ARFGEF3: variants seen among roughly 807,000 people sequenced by gnomAD.
The protein encoded by ARFGEF3 is brefeldin A-inhibited guanine nucleotide-exchange protein 3.
ARFGEF3 carries 96 observed loss-of-function variants against 221.7 expected under a neutral mutation model. That is an observed-to-expected ratio of 0.43 (90% CI 0.37 to 0.51). ARFGEF3 has a LOEUF of 0.51. ARFGEF3 is among the 20% of genes least tolerant of loss of function. The pLI is 0.00. For missense variants in ARFGEF3, 2,410 were observed against 2,789.9 expected (o/e 0.86, Z 3.07); for synonymous variants, 1,145 against 1,126.8 (o/e 1.02, Z -0.32).
intron 1 of ARFGEF3, among the ~76,000 whole-genome samples, chr6:138,163,679 G>C (rs1198595506): frequency 1.3e-5 from 2 of 152,166 alleles, no homozygotes; most frequent in African/African-American, 4.8e-5. Context: ...GCTGAGTTTA[G>C]GTCCTTTAAA....
intron 14 of ARFGEF3, among the ~76,000 whole-genome samples, chr6:138,281,034 C>T (rs377483720): frequency 1.3e-5 from 2 of 151,962 alleles, no homozygotes; most frequent in Non-Finnish European, 2.9e-5. Context: ...GGAATATGCC[C>T]GCCATAGTAA....
chr6:138,170,319 G>A (rs1776803679), intron 1 of ARFGEF3, among the ~76,000 whole-genome samples: 1 of 152,158 alleles, frequency 6.6e-6, no homozygotes, highest in South Asian at 2.1e-4. Context: ...TATTTTCAAG[G>A]AAACAGCTTT....
At chr6:138,305,200 C>T (rs184185860) in intron 22 of ARFGEF3, among the ~76,000 whole-genome samples, 7 of 152,004 alleles carry the variant, frequency 4.6e-5, no homozygotes, top group African/African-American at 9.7e-5. Flanking sequence ...GGAAGGAACA[C>T]CTCCAAACCC....
At chr6:138,201,345 T>C (rs1777532524) in intron 2 of ARFGEF3, among the ~76,000 whole-genome samples, 1 of 152,166 alleles carries the variant, frequency 6.6e-6, no homozygotes, top group East Asian at 1.9e-4. Context: ...AAAGAAGTCA[T>C]TATTCAGAAA....
chr6:138,273,133 C>T (rs1274742454), intron 12 of ARFGEF3, among the ~76,000 whole-genome samples: 1 of 151,776 alleles, frequency 6.6e-6, no homozygotes, highest in Non-Finnish European at 1.5e-5. Context: ...AGTGTGATCT[C>T]GCTTTGTGGT....
rs1294201528 is a variant in ARFGEF3, at chr6:138,334,768, C to T, written c.5922C>T (p.Gly1974=). The change falls in exon 33 of 34, where the codon GGC becomes GGT. Residue 1974 remains glycine, a synonymous_variant. Transcript: ENST00000251691. This position sits in a 1 kb window ranked among gnomAD's most constrained non-coding sequence, Gnocchi z 5.1. ...DDRSQSREHM[G]ESLSLKAGGG... ...GAAGCCAGTCCCGGGAGCACATGGG[C>T]GAGTCCCTGAGCCTGAAGGCCGGTG... The T allele has an allele frequency of 6.2e-6, 10 of 1,609,844 alleles. No homozygotes were observed. In the East Asian group the frequency reaches 6.7e-5, roughly 11 times the overall value.
intron 1 of ARFGEF3, among the ~76,000 whole-genome samples, chr6:138,169,117 G>A (rs1027963302): frequency 5.3e-5 from 8 of 152,202 alleles, no homozygotes; most frequent in African/African-American, 1.9e-4. Context: ...CAGAGGATAA[G>A]TGACCTGCCC....
At chr6:138,215,756 A>T (rs113834802) in intron 4 of ARFGEF3, among the ~76,000 whole-genome samples, 16 of 152,098 alleles carry the variant, frequency 1.1e-4, no homozygotes, top group African/African-American at 3.6e-4. Context: ...CGTGATAATG[A>T]TATTCCCTCA....
rs371181464 is a variant in ARFGEF3 at position 138,317,306 on chromosome 6, T to C, written c.4401T>C (p.Asn1467=). 1.2e-5 allele frequency: 20 copies of C among 1,613,890 alleles called. No homozygotes were observed. In the African/African-American group the frequency reaches 2.4e-4, roughly 19 times the overall value. ...LLEQLTAAVS[N]CPRQHQPPTL... is the part of the protein sequence containing the mutation. ...AGCAGCTGACAGCGGCTGTGTCCAA[T>C]TGTCCACGGCAGCACCAACCACCAA... The change falls in exon 27 of 34, where the codon AAT becomes AAC. Residue 1467 remains asparagine (N), a synonymous_variant. Coordinates refer to ENST00000251691, the MANE Select transcript of ARFGEF3 (RefSeq NM_020340.5).
At chr6:138,240,699 G>C (rs1778377812) in intron 6 of ARFGEF3, among the ~76,000 whole-genome samples, 1 of 152,178 alleles carries the variant, frequency 6.6e-6, no homozygotes, top group South Asian at 2.1e-4. Flanking sequence ...CTGGAGATGT[G>C]ATTCCATGTC....
intron 12 of ARFGEF3, among the ~76,000 whole-genome samples, chr6:138,265,064 G>C (rs370775572): frequency 1.9e-4 from 29 of 151,810 alleles, no homozygotes; most frequent in South Asian, 1.5e-3. Context: ...CCACCACACC[G>C]GGCTAATTTT....
intron 4 of ARFGEF3, chr6:138,215,932 G>GAA (rs397819236): frequency 2.1e-5 from 3 of 143,392 alleles, no homozygotes; most frequent in Non-Finnish European, 3.1e-5. Flanking sequence ...AAGGGAAAGA[G>GAA]TGTAATTTAC....
intron 4 of ARFGEF3, among the ~76,000 whole-genome samples, chr6:138,229,117 C>T (rs184154420): frequency 1.3e-5 from 2 of 152,250 alleles, no homozygotes; most frequent in East Asian, 1.9e-4. Context: ...AAGTAAACAC[C>T]ATGTAACATT....
intron 12 of ARFGEF3, among the ~76,000 whole-genome samples, chr6:138,278,114 C>T (rs1200269071): frequency 6.6e-6 from 1 of 152,082 alleles, no homozygotes; most frequent in Non-Finnish European, 1.5e-5. Flanking sequence ...TAGGGAGCCA[C>T]CGGAGGGCTC....
intron 9 of ARFGEF3, 93 bp from the exon 10 acceptor site, chr6:138,255,343 C>T: frequency 1.1e-6 from 1 of 905,926 alleles, no homozygotes; most frequent in Non-Finnish European, 1.7e-6. Context: ...AAGAGCCGCA[C>T]TCTTGTCATT....
At chr6:138,231,616 C>A (rs898753880) in intron 5 of ARFGEF3, among the ~76,000 whole-genome samples, 53 of 152,244 alleles carry the variant, frequency 3.5e-4, no homozygotes, top group Middle Eastern at 3.4e-3. Flanking sequence ...GCCATTGCCA[C>A]GTTTGAAATC....
At chr6:138,305,549 T>C (rs1207581583) in intron 22 of ARFGEF3, among the ~76,000 whole-genome samples, 1 of 147,616 alleles carries the variant, frequency 6.8e-6, no homozygotes. Context: ...AAGTTGAGAC[T>C]GCAGTGAGCC....
chr6:138,209,774 G>T (rs1044309725), intron 3 of ARFGEF3, 136 bp from the exon 4 acceptor site: 2 of 1,096,358 alleles, frequency 1.8e-6, no homozygotes, highest in South Asian at 3.2e-5. Context: ...GGCACATAGC[G>T]TAAGTTCTTT....
chr6:138,239,020 GT>G lies in ARFGEF3; in HGVS notation c.543+391del, dbSNP rs1202267494. ...TTTGAGGTTGGGTATGTTTCCCTTT[GT>G]TAACTAAAAGATGGTGGCAGGAGGC... On this transcript the variant is annotated intron_variant, in intron 6 of 33. Transcript: ENST00000251691. Among the ~76,000 whole-genome samples, 3 of 152,250 alleles carry G rather than the reference GT, an allele frequency of 2.0e-5. No individual in the cohort carries two copies. The East Asian group carries it at 5.8e-4, about 29-fold the overall frequency.
Sources: allele counts gnomAD v4.1 joint callset (sites outside exome capture counted in the v4.1 genomes callset), GRCh38; gene constraint gnomAD v4.1.1; non-coding constraint Gnocchi (gnomAD v3.1); transcripts MANE v1.5; gene names NCBI Gene and HGNC (gene_info 2026-07-23, HGNC 2026-07-21).